UGT1A7: variants seen among roughly 807,000 people sequenced by gnomAD.
The protein encoded by UGT1A7 is UDP glucuronosyltransferase family 1 member A7.
UGT1A7 carries 33 observed loss-of-function variants against 45.6 expected under a neutral mutation model. That is an observed-to-expected ratio of 0.72 (90% CI 0.55 to 0.97). The LOEUF (loss-of-function observed/expected upper bound fraction) is 0.97. UGT1A7 is among the 50% of genes least tolerant of loss of function. UGT1A7 has a pLI of 0.00. For missense variants in UGT1A7, 684 were observed against 666.2 expected, an observed-to-expected ratio of 1.03 and a Z score of -0.29; for synonymous variants, 274 against 250.6, an observed-to-expected ratio of 1.09 and a Z score of -0.88.
rs1377553031 is a variant in UGT1A7 at position 233,755,239 on chromosome 2, G to C, written c.856-11795G>C. 12 of 885,954 alleles carry C rather than the reference G, an allele frequency of 1.4e-5. No individual in the cohort carries two copies. The South Asian group carries it at 1.5e-4, about 11-fold the overall frequency. The allele number at this position is 885,954 out of a possible 1,614,324, so 54.9% of individuals were successfully genotyped here. A position where few individuals can be genotyped will look rare whatever the true frequency, so the allele number is the denominator to read the frequency against. On this transcript the variant is annotated intron_variant, in intron 1 of 4. Transcript: ENST00000373426. ...ATACCCTCGGACGAGGCCTACCGGG[G>C]TACTCCCAGCACCTCGTAGTAGTCC...
At position 233,723,536 on chromosome 2, in the gene UGT1A7, T is replaced by TTTA. The variant is rs1553611580; in HGVS notation, c.855+40744_855+40745insTTA. Among the ~76,000 whole-genome samples, 173 of 121,466 alleles carry TTTA rather than the reference T, an allele frequency of 1.4e-3. 3 individuals carry two copies. Among genetic ancestry groups the TTTA allele is most frequent in the African/African-American group, 3.3e-3 (98 of 29,940 alleles). 79.7% of individuals were successfully genotyped at this position (121,466 alleles called of 152,430 possible). A position where few individuals can be genotyped will look rare whatever the true frequency, so the allele number is the denominator to read the frequency against. On this transcript the variant is annotated intron_variant, in intron 1 of 4. Transcript: ENST00000373426. Reference sequence around the variant, plus strand: ...ACAATCTTTTTTTTTTTTTTTTTTTTAATTTATTTTTTTATTGATAATTCT... The same window carrying TTTA: ...ACAATCTTTTTTTTTTTTTTTTTTTTTTAAATTTATTTTTTTATTGATAATTCT...
chr2:233,750,185 T>G (rs1694383410), intron 1 of UGT1A7, among the ~76,000 whole-genome samples: 1 of 151,838 alleles, frequency 6.6e-6, no homozygotes, highest in African/African-American at 2.4e-5. Flanking sequence ...GATAATGTTG[T>G]GGACAATGAA....
intron 1 of UGT1A7, among the ~76,000 whole-genome samples, chr2:233,705,123 C>G (rs1488231635): frequency 7.7e-6 from 1 of 130,446 alleles, no homozygotes; most frequent in Non-Finnish European, 1.6e-5. Flanking sequence ...GGGACAAGAG[C>G]GAGACTTCGT....
chr2:233,719,682 T>C lies in UGT1A7; in HGVS notation c.855+36890T>C, dbSNP rs2076795429. 1 of 1,613,968 alleles carries C rather than the reference T, an allele frequency of 6.2e-7. No individual in the cohort carries two copies. Among genetic ancestry groups the C allele is most frequent in the Admixed American group, 1.7e-5 (1 of 60,002 alleles). The stretch of plus-strand genomic sequence containing the variant: ...CAACTGTGCCAACGGGAAGCCACTA[T>C]CTCAGGTCTGTATTGGTGCCTTCAT... On this transcript the variant is annotated intron_variant, in intron 1 of 4. Transcript: ENST00000373426.
rs561148269 is a variant in UGT1A7 at position 233,758,341 on chromosome 2, T to A, written c.856-8693T>A. The stretch of plus-strand genomic sequence containing the variant: ...GCAGCCTCAAAAAGCTTGGAAGCTC[T>A]GCATGATGCAGGAAAGTCATAAAAT... On this transcript the variant is annotated intron_variant, in intron 1 of 4. Coordinates refer to ENST00000373426, the MANE Select transcript of UGT1A7 (RefSeq NM_019077.3). Among the ~76,000 whole-genome samples the A allele has an allele frequency of 3.3e-5, 5 of 152,358 alleles. No homozygotes were observed. In the South Asian group the frequency reaches 8.3e-4, roughly 25 times the overall value.
At chr2:233,694,982 G>A (rs2075253119) in intron 1 of UGT1A7, among the ~76,000 whole-genome samples, 1 of 152,086 alleles carries the variant, frequency 6.6e-6, no homozygotes, top group East Asian at 1.9e-4. Context: ...TCCTTATGTT[G>A]GGAACATTCC....
rs533684290 is a variant in UGT1A7, at chr2:233,717,047, G to A, written c.855+34255G>A. Among the ~76,000 whole-genome samples the A allele has an allele frequency of 3.9e-5, 6 of 152,238 alleles. No individual in the cohort carries two copies. In the South Asian group the frequency reaches 1.0e-3, roughly 26 times the overall value. ...CATCTTCCAAGATACATGGGCCTCCGCAGGGTCTAGGAGTGCCAGACACGT... is the reference window on the plus strand; with the variant it reads ...CATCTTCCAAGATACATGGGCCTCCACAGGGTCTAGGAGTGCCAGACACGT... On this transcript the variant is annotated intron_variant, in intron 1 of 4. Coordinates refer to ENST00000373426, the MANE Select transcript of UGT1A7 (RefSeq NM_019077.3).
At chr2:233,713,889 T>A (rs769338020) in intron 1 of UGT1A7, 2 of 1,613,388 alleles carry the variant, frequency 1.2e-6, no homozygotes, top group South Asian at 2.2e-5. Context: ...CCAATCAATG[T>A]TCCAGGCAAA....
At chr2:233,730,892 ACTC>A (rs1261196505) in intron 1 of UGT1A7, among the ~76,000 whole-genome samples, 1 of 151,952 alleles carries the variant, frequency 6.6e-6, no homozygotes, top group African/African-American at 2.4e-5. Context: ...AGTGGGATCT[ACTC>A]CTTTACCAAA....
At chr2:233,755,100 G>T (rs920872791) in intron 1 of UGT1A7, 1 of 1,335,078 alleles carries the variant, frequency 7.5e-7, no homozygotes, top group Non-Finnish European at 1.0e-6. Context: ...CTACGCGTCC[G>T]ACAACACCTC....
rs374013247 is a variant in UGT1A7, at chr2:233,693,245, C to T, written c.855+10453C>T. ...CTACACAAGAAAAATCTATCCAGTG[C>T]CGTATGACCAAGAAGAGCTGAAGAA... On this transcript the variant is annotated intron_variant, in intron 1 of 4. Coordinates refer to ENST00000373426, the MANE Select transcript of UGT1A7 (RefSeq NM_019077.3). 49 of 1,613,952 alleles carry T rather than the reference C, an allele frequency of 3.0e-5. 1 individual carries two copies. The highest frequency in any genetic ancestry group is 3.6e-5 in the Non-Finnish European group (42 of 1,180,016).
In UGT1A7 at chr2:233,760,531, C is replaced by T. The variant is rs1397137648; in HGVS notation, c.856-6503C>T. 4 of 1,614,130 alleles carry T rather than the reference C, an allele frequency of 2.5e-6. No homozygotes were observed. Among genetic ancestry groups the T allele is most frequent in the Non-Finnish European group, 3.4e-6 (4 of 1,180,056 alleles). ...TTACACCTTGAAGACGTACCCTGTG[C>T]CATTCCAAAGGGAGGATGTGAAAGA... is the stretch of plus-strand genomic sequence containing the variant. On this transcript the variant is annotated intron_variant, in intron 1 of 4. Coordinates refer to ENST00000373426, the MANE Select transcript of UGT1A7 (RefSeq NM_019077.3).
chr2:233,714,839 T>A (rs2076415315), intron 1 of UGT1A7, among the ~76,000 whole-genome samples: 1 of 152,336 alleles, frequency 6.6e-6, no homozygotes, highest in East Asian at 1.9e-4. Flanking sequence ...GGTGAATGTT[T>A]ATAAATATTC....
chr2:233,726,218 A>C (rs1180032899), intron 1 of UGT1A7, among the ~76,000 whole-genome samples: 1 of 152,174 alleles, frequency 6.6e-6, no homozygotes, highest in Non-Finnish European at 1.5e-5. Context: ...AAAGTTTAGA[A>C]AACATTTTTT....
intron 1 of UGT1A7, among the ~76,000 whole-genome samples, chr2:233,712,276 G>A (rs888653994): frequency 1.3e-5 from 2 of 152,222 alleles, no homozygotes; most frequent in Admixed American, 1.3e-4. Flanking sequence ...TTAGACAGCA[G>A]CACCTCTTCT....
chr2:233,717,564 G>A (rs569646597), intron 1 of UGT1A7, among the ~76,000 whole-genome samples: 3 of 152,318 alleles, frequency 2.0e-5, no homozygotes, highest in African/African-American at 7.2e-5. Context: ...GGCAGACATG[G>A]CCAGGCATGT....
In UGT1A7 at chr2:233,760,260, G is replaced by A. The variant is rs753448247; in HGVS notation, c.856-6774G>A. ...TATATATATATATAAGTAGGAGAGG[G>A]CGAACCTCTGGCAGGAGCAAAGGCG... On this transcript the variant is annotated intron_variant, in intron 1 of 4. Coordinates refer to ENST00000373426, the MANE Select transcript of UGT1A7 (RefSeq NM_019077.3). 3.1e-6 allele frequency: 5 copies of A among 1,611,260 alleles called. 1 individual carries two copies. Among genetic ancestry groups the A allele is most frequent in the South Asian group, 2.2e-5 (2 of 90,906 alleles).
intron 1 of UGT1A7, chr2:233,760,931 T>C (rs1360622092): frequency 4.3e-6 from 7 of 1,614,090 alleles, no homozygotes; most frequent in South Asian, 2.2e-5. Flanking sequence ...AACATGCTCA[T>C]TGCCTTTTCA....
intron 1 of UGT1A7, chr2:233,743,999 G>C (rs981482683): frequency 6.6e-6 from 8 of 1,219,924 alleles, no homozygotes; most frequent in African/African-American, 3.2e-5. Flanking sequence ...CCGAGTGCTC[G>C]GAGACCTGGG....
Sources: allele counts gnomAD v4.1 joint callset (sites outside exome capture counted in the v4.1 genomes callset), GRCh38; gene constraint gnomAD v4.1.1; transcripts MANE v1.5; gene names NCBI Gene and HGNC (gene_info 2026-07-23, HGNC 2026-07-21).